ANKS1B: variants seen among roughly 807,000 people sequenced by gnomAD.
The protein encoded by ANKS1B is ankyrin repeat and sterile alpha motif domain-containing protein 1B.
ANKS1B carries 36 observed loss-of-function variants against 148.3 expected under a neutral mutation model. The ratio of observed to expected loss-of-function variants is 0.24; its 90% CI spans 0.19 to 0.32. The LOEUF is 0.32. Ranked by LOEUF, ANKS1B falls within the 10% of genes least tolerant of loss-of-function variation. The pLI is 1.00. For synonymous variants in ANKS1B, 542 were observed against 560.8 expected, an observed-to-expected ratio of 0.97 and a Z score of 0.47; for missense variants, 1,157 against 1,542.6, an observed-to-expected ratio of 0.75 and a Z score of 4.19.
chr12:98,947,389 G>T (rs2099847107), intron 17 of ANKS1B, among the ~76,000 whole-genome samples: 1 of 150,280 alleles, frequency 6.7e-6, no homozygotes, highest in South Asian at 2.1e-4. Context: ...GCAGTGGTTT[G>T]GATTCTGGAT....
intron 12 of ANKS1B, among the ~76,000 whole-genome samples, chr12:99,388,510 A>G (rs959501890): frequency 2.0e-5 from 3 of 152,166 alleles, no homozygotes; most frequent in Admixed American, 2.0e-4. Flanking sequence ...GGAGAGAGGG[A>G]CAGACACTCT....
chr12:99,782,725 A>G (rs2064488969), intron 4 of ANKS1B, among the ~76,000 whole-genome samples: 1 of 152,178 alleles, frequency 6.6e-6, no homozygotes, highest in Non-Finnish European at 1.5e-5. Context: ...TTAAACACCA[A>G]TTATAGGCCA....
intron 14 of ANKS1B, among the ~76,000 whole-genome samples, chr12:99,241,984 G>A (rs1197302853): frequency 5.3e-5 from 8 of 152,186 alleles, no homozygotes; most frequent in East Asian, 3.9e-4. Flanking sequence ...TTTGAAAACC[G>A]GCGAAAGACA....
chr12:99,103,113 G>A (rs1393426009), intron 15 of ANKS1B, among the ~76,000 whole-genome samples: 1 of 152,102 alleles, frequency 6.6e-6, no homozygotes. Flanking sequence ...GTGAGATAAA[G>A]GGCCTGGAAG....
chr12:99,878,555 T>C (rs2092286935), intron 1 of ANKS1B, among the ~76,000 whole-genome samples: 1 of 152,234 alleles, frequency 6.6e-6, no homozygotes. Context: ...TTTATCCTTT[T>C]TGTTTTTTCA....
chr12:99,183,981 T>C (rs1395434839), intron 14 of ANKS1B, among the ~76,000 whole-genome samples: 2 of 152,214 alleles, frequency 1.3e-5, no homozygotes, highest in Admixed American at 1.3e-4. Context: ...AAATCAAATA[T>C]ACATTTCACT....
intron 17 of ANKS1B, among the ~76,000 whole-genome samples, chr12:99,007,972 C>T (rs985419459): frequency 2.0e-5 from 3 of 151,420 alleles, no homozygotes; most frequent in Non-Finnish European, 2.9e-5. Flanking sequence ...CTGTCCAAGC[C>T]CCCCCACCCT....
chr12:98,786,586 T>C (rs1047781402), intron 22 of ANKS1B, among the ~76,000 whole-genome samples: 7 of 152,330 alleles, frequency 4.6e-5, no homozygotes, highest in Admixed American at 3.3e-4. Flanking sequence ...ATAAGTAGGT[T>C]TTCTATTTTG....
At chr12:99,170,012 T>C (rs2077584488) in intron 14 of ANKS1B, among the ~76,000 whole-genome samples, 1 of 152,216 alleles carries the variant, frequency 6.6e-6, no homozygotes, top group South Asian at 2.1e-4. Context: ...ACTTTGTTGT[T>C]GTTTATTCTC....
intron 9 of ANKS1B, among the ~76,000 whole-genome samples, chr12:99,590,921 C>G (rs529411615): frequency 6.6e-6 from 1 of 152,264 alleles, no homozygotes; most frequent in South Asian, 2.1e-4. Context: ...TATTTTCTTA[C>G]TTTGAACTGT....
intron 9 of ANKS1B, among the ~76,000 whole-genome samples, chr12:99,629,505 T>C (rs548350206): frequency 1.3e-5 from 2 of 152,262 alleles, no homozygotes; most frequent in East Asian, 3.9e-4. Flanking sequence ...AACACTATTA[T>C]AAACACTTAA....
chr12:99,016,447 G>C (rs988493469), intron 17 of ANKS1B, among the ~76,000 whole-genome samples: 24 of 152,218 alleles, frequency 1.6e-4, no homozygotes, highest in African/African-American at 5.8e-4. Flanking sequence ...CTTGAGATCA[G>C]AAGTTCGAGA....
At chr12:99,264,674 T>A (rs1452334947) in intron 12 of ANKS1B, among the ~76,000 whole-genome samples, 1 of 152,146 alleles carries the variant, frequency 6.6e-6, no homozygotes, top group East Asian at 1.9e-4. Context: ...GAGGTATCAT[T>A]TAATGTCTCC....
intron 1 of ANKS1B, among the ~76,000 whole-genome samples, chr12:99,977,994 C>T (rs1290370667): frequency 6.6e-6 from 1 of 152,088 alleles, no homozygotes; most frequent in East Asian, 1.9e-4. Flanking sequence ...CTTTTCTAAC[C>T]TTTGTCTGGC....
Position 99,059,788 on chromosome 12 carries a change from C to CATATATATATATATATGTATATATAT in ANKS1B, c.2626-6480_2626-6479insATATATATACATATATATATATATAT, listed in dbSNP as rs769888299. ...TAAGCCCAAAGACAAAACTAAAATT[C>CATATATATATATATATGTATATATAT]ATATATATATATATATATGATAGGA... On this transcript the variant is annotated intron_variant, in intron 16 of 26. Transcript: ENST00000683438. 4.7e-4 allele frequency among the ~76,000 whole-genome samples: 42 copies of CATATATATATATATATGTATATATAT among 90,320 alleles called. 2 individuals are homozygous for CATATATATATATATATGTATATATAT. Among genetic ancestry groups the CATATATATATATATATGTATATATAT allele is most frequent in the African/African-American group, 1.9e-3 (42 of 22,302 alleles). The allele number at this position is 90,320 out of a possible 152,430, so 59.3% of individuals were successfully genotyped here.
intron 12 of ANKS1B, among the ~76,000 whole-genome samples, chr12:99,393,348 A>C (rs2152558173): frequency 6.6e-6 from 1 of 152,304 alleles, no homozygotes. Flanking sequence ...CCCTTAGGGA[A>C]GTGGCCTTGA....
chr12:98,771,550 T>A (rs2098575365), intron 25 of ANKS1B, among the ~76,000 whole-genome samples: 1 of 152,138 alleles, frequency 6.6e-6, no homozygotes, highest in Admixed American at 6.5e-5. Context: ...CACAGCTTAC[T>A]GCAGCCTCGA....
At position 98,798,204 on chromosome 12, in the gene ANKS1B, G is replaced by A. The variant is rs138960926; in HGVS notation, c.3342+730C>T. On this transcript the variant is annotated intron_variant, in intron 22 of 26. Transcript: ENST00000683438. ...ATGGTGAGATCTCAGCTCACTGCAA[G>A]CTCTGCCTTCAGGTTCAAGCGATTC... Among the ~76,000 whole-genome samples the A allele has an allele frequency of 1.7e-3, 263 of 150,882 alleles. 1 individual carries two copies. Among genetic ancestry groups the A allele is most frequent in the African/African-American group, 6.1e-3 (251 of 41,020 alleles).
At chr12:99,563,308 C>T (rs989487468) in intron 9 of ANKS1B, among the ~76,000 whole-genome samples, 2 of 152,134 alleles carry the variant, frequency 1.3e-5, no homozygotes, top group African/African-American at 4.8e-5. Context: ...TTTCAATATG[C>T]CTTCCTCACT....
Sources: gnomAD v4.1 joint callset for allele counts (sites outside exome capture counted in the v4.1 genomes callset) on GRCh38, gnomAD v4.1.1 for gene constraint, MANE v1.5 for transcripts, NCBI Gene and HGNC (gene_info 2026-07-23, HGNC 2026-07-21) for gene names.